Variants in CTNNA1 observed in about 807,000 individuals in gnomAD.
CTNNA1 encodes catenin alpha-1.
A neutral mutation model predicts 98.4 loss-of-function variants in CTNNA1; 37 were observed. The ratio of observed to expected loss-of-function variants is 0.38; its 90% CI spans 0.29 to 0.49. CTNNA1 has a LOEUF of 0.49. CTNNA1 is among the 20% of genes least tolerant of loss of function. The pLI is 0.95. For missense variants in CTNNA1, 761 were observed against 1,147.2 expected, an observed-to-expected ratio of 0.66 and a Z score of 4.86; for synonymous variants, 404 against 413.2, an observed-to-expected ratio of 0.98 and a Z score of 0.27.
At chr5:138,907,875 A>AG (rs1235766293) in intron 10 of CTNNA1, among the ~76,000 whole-genome samples, 2 of 152,008 alleles carry the variant, frequency 1.3e-5, no homozygotes, top group Non-Finnish European at 2.9e-5. Flanking sequence ...TACAGTTTGG[A>AG]GTTGGCTCCT....
rs201316823 is a variant in CTNNA1, at chr5:138,925,214, T to C, written c.1748-42T>C. The C allele has an allele frequency of 1.6e-4, 248 of 1,598,142 alleles. No homozygotes were observed. The highest frequency in any genetic ancestry group is 3.3e-5 in the Non-Finnish European group (39 of 1,171,520). On this transcript the variant is annotated intron_variant, in intron 12 of 17. Coordinates refer to ENST00000302763, the MANE Select transcript of CTNNA1 (RefSeq NM_001903.5). Reference sequence around the variant, plus strand: ...TCAGGGAGGGCCAGGGGAATGATGCTGCCTGCTGACCAGGGTATCTACTGT... The same window carrying C: ...TCAGGGAGGGCCAGGGGAATGATGCCGCCTGCTGACCAGGGTATCTACTGT...
rs556511516 is a variant in CTNNA1, at chr5:138,922,535, TAGA to T, written c.1547-1972_1547-1970del. Among the ~76,000 whole-genome samples, 58 of 152,372 alleles carry T rather than the reference TAGA, an allele frequency of 3.8e-4. 1 individual carries two copies. The South Asian group carries it at 6.8e-3, about 18-fold the overall frequency. On this transcript the variant is annotated intron_variant, in intron 11 of 17. Coordinates refer to ENST00000302763, the MANE Select transcript of CTNNA1 (RefSeq NM_001903.5). ...TGTATGTGTATGAATTTTTTTCTAT[TAGA>T]AGCACACCTATAAATAATGTATTGA...
At chr5:138,900,749 G>A (rs527670808) in intron 9 of CTNNA1, among the ~76,000 whole-genome samples, 1 of 152,108 alleles carries the variant, frequency 6.6e-6, no homozygotes, top group Non-Finnish European at 1.5e-5. Context: ...TCTGACACAG[G>A]GGGGCTGTGA....
At position 138,775,917 on chromosome 5, in the gene CTNNA1, G is replaced by A. The variant is rs372354846; in HGVS notation, c.-2-6006G>A. ...TTTTTTTTGTATTTTTAGTAGAGAC[G>A]GGGTTTCACCGTGTTAGGCAGGATG... On this transcript the variant is annotated intron_variant, in intron 1 of 17. Transcript: ENST00000302763. Among the ~76,000 whole-genome samples, 654 of 151,040 alleles carry A rather than the reference G, an allele frequency of 4.3e-3. 1 individual carries two copies. Among genetic ancestry groups the A allele is most frequent in the African/African-American group, 0.015 (613 of 41,222 alleles).
chr5:138,828,566 A>G (rs768965071), intron 7 of CTNNA1, among the ~76,000 whole-genome samples: 1 of 152,202 alleles, frequency 6.6e-6, no homozygotes, highest in African/African-American at 2.4e-5. Context: ...AATTATATGA[A>G]ATCATTTTAA....
chr5:138,781,005 T>C (rs528728152), intron 1 of CTNNA1, among the ~76,000 whole-genome samples: 1 of 152,346 alleles, frequency 6.6e-6, no homozygotes, highest in East Asian at 1.9e-4. Context: ...GACAGAAGTT[T>C]CTCTTGACAC....
chr5:138,916,419 G>C lies in CTNNA1; in HGVS notation c.1390-1323G>C, dbSNP rs1761780948. On this transcript the variant is annotated intron_variant, in intron 10 of 17. Transcript: ENST00000302763. ...TCTTTTTTTTTTTTTTTGGAGACAA[G>C]AGTCGTCCTGTTTGTCCAGGCTGGT... Among the ~76,000 whole-genome samples the C allele has an allele frequency of 2.0e-5, 3 of 147,098 alleles. No homozygotes were observed. In the Admixed American group the frequency reaches 2.0e-4, roughly 10 times the overall value.
chr5:138,915,272 T>C (rs1288983008), intron 10 of CTNNA1, among the ~76,000 whole-genome samples: 4 of 152,218 alleles, frequency 2.6e-5, no homozygotes, highest in Non-Finnish European at 5.9e-5. Flanking sequence ...ACTTATTCAA[T>C]GAATACAGCC....
chr5:138,836,642 C>T (rs1761794165), intron 7 of CTNNA1, among the ~76,000 whole-genome samples: 1 of 152,150 alleles, frequency 6.6e-6, no homozygotes, highest in African/African-American at 2.4e-5. Context: ...GTTTTGAAAT[C>T]AGAATGATGG....
In CTNNA1 at chr5:138,838,974, C is replaced by T. The variant is rs572715384; in HGVS notation, c.1062+11256C>T. Among the ~76,000 whole-genome samples the T allele has an allele frequency of 1.7e-4, 26 of 151,828 alleles. No individual in the cohort carries two copies. In the South Asian group the frequency reaches 5.4e-3, roughly 32 times the overall value. ...CAGTTCAAGATATTTTAAAATTTTCCTCGAGTCTTCTTCTTTGATCACTGG... is the reference window on the plus strand; with the variant it reads ...CAGTTCAAGATATTTTAAAATTTTCTTCGAGTCTTCTTCTTTGATCACTGG... On this transcript the variant is annotated intron_variant, in intron 7 of 17. Transcript: ENST00000302763.
At chr5:138,885,268 G>A (rs1753789301) in intron 7 of CTNNA1, among the ~76,000 whole-genome samples, 1 of 152,084 alleles carries the variant, frequency 6.6e-6, no homozygotes, top group African/African-American at 2.4e-5. Context: ...AATGTCTTGA[G>A]GGCATCCAAA....
intron 1 of CTNNA1, among the ~76,000 whole-genome samples, chr5:138,773,336 G>A (rs1018937901): frequency 7.2e-5 from 11 of 152,156 alleles, no homozygotes; most frequent in African/African-American, 2.7e-4. Flanking sequence ...CTGTCATGAC[G>A]GCATTTGAGC....
chr5:138,778,978 C>T (rs1754731621), intron 1 of CTNNA1, among the ~76,000 whole-genome samples: 1 of 151,928 alleles, frequency 6.6e-6, no homozygotes, highest in South Asian at 2.1e-4. Context: ...TCCCAGGTTC[C>T]AGCGATTCTC....
intron 3 of CTNNA1, among the ~76,000 whole-genome samples, chr5:138,807,751 A>T (rs1271445951): frequency 3.3e-5 from 5 of 151,702 alleles, no homozygotes; most frequent in Admixed American, 1.3e-4. Flanking sequence ...GACAGTATTT[A>T]TATATATATA....
At chr5:138,781,104 A>C (rs1049675280) in intron 1 of CTNNA1, among the ~76,000 whole-genome samples, 24 of 152,316 alleles carry the variant, frequency 1.6e-4, no homozygotes, top group African/African-American at 5.5e-4. Flanking sequence ...AGCTGATTTA[A>C]ACATTATGTT....
chr5:138,892,817 G>A (rs1160164388), intron 9 of CTNNA1, among the ~76,000 whole-genome samples: 4 of 151,532 alleles, frequency 2.6e-5, no homozygotes, highest in African/African-American at 4.8e-5. Context: ...AGGAGTTCGA[G>A]ACCAGCCTGG....
At chr5:138,886,416 G>A in intron 8 of CTNNA1, 124 bp downstream of exon 8, 2 of 1,043,840 alleles carry the variant, frequency 1.9e-6, no homozygotes, top group South Asian at 1.7e-5. Flanking sequence ...TCACAAGAAA[G>A]TGCCTATCTT....
At chr5:138,813,103 C>T (rs1446513353) in intron 5 of CTNNA1, among the ~76,000 whole-genome samples, 1 of 152,160 alleles carries the variant, frequency 6.6e-6, no homozygotes, top group Non-Finnish European at 1.5e-5. Context: ...GATTTATTTT[C>T]TCATTAAGTA....
chr5:138,922,223 TCTAA>T (rs1322687393), intron 11 of CTNNA1, among the ~76,000 whole-genome samples: 1 of 152,206 alleles, frequency 6.6e-6, no homozygotes, highest in Non-Finnish European at 1.5e-5. Context: ...TAACTCGTGA[TCTAA>T]CTGCTAGACA....
Sources: gnomAD v4.1 joint callset for allele counts (sites outside exome capture counted in the v4.1 genomes callset) on GRCh38, gnomAD v4.1.1 for gene constraint, MANE v1.5 for transcripts, NCBI Gene and HGNC (gene_info 2026-07-23, HGNC 2026-07-21) for gene names.